Variants in NCOA2 observed in about 807,000 individuals in gnomAD.
The protein encoded by NCOA2 is class E basic helix-loop-helix protein 75.
Under a neutral mutation model 145.1 loss-of-function variants are expected in NCOA2, and 21 were observed. That is an observed-to-expected ratio of 0.14 (90% CI 0.10 to 0.21). NCOA2 has a LOEUF of 0.21. Among genes scored for constraint, NCOA2 ranks in the 10% least tolerant of loss-of-function variants. The probability of loss-of-function intolerance (pLI) is 1.00; values close to 1 mark genes in which losing one functional copy is unlikely to be tolerated. For missense variants in NCOA2, 1,472 were observed against 1,837.6 expected, an observed-to-expected ratio of 0.80 and a Z score of 3.64; for synonymous variants, 619 against 637.5, an observed-to-expected ratio of 0.97 and a Z score of 0.44.
chr8:70,269,894 C>T (rs1824907233), intron 2 of NCOA2, among the ~76,000 whole-genome samples: 1 of 152,100 alleles, frequency 6.6e-6, no homozygotes, highest in Admixed American at 6.5e-5. Flanking sequence ...TTTACTGAAA[C>T]CTAATTATGA....
In NCOA2 at chr8:70,179,195, A is replaced by G. The variant is rs148260745; in HGVS notation, c.260-4336T>C. Among the ~76,000 whole-genome samples, 930 of 152,322 alleles carry G rather than the reference A, an allele frequency of 6.1e-3. 5 individuals are homozygous for G. The highest frequency in any genetic ancestry group is 9.1e-3 in the Non-Finnish European group (616 of 68,026). On this transcript the variant is annotated intron_variant, in intron 4 of 22. Transcript: ENST00000452400. Reference sequence around the variant, plus strand: ...GTATTTTCTAGCTAATTTGTCATCTATTCTTTAATTCTGTATTGAATTTGT... The same window carrying G: ...GTATTTTCTAGCTAATTTGTCATCTGTTCTTTAATTCTGTATTGAATTTGT...
chr8:70,353,860 A>C (rs917372336), intron 1 of NCOA2, among the ~76,000 whole-genome samples: 3 of 152,162 alleles, frequency 2.0e-5, no homozygotes, highest in Admixed American at 6.5e-5. Context: ...TAAGACCTTT[A>C]GATATGTCTT....
intron 1 of NCOA2, among the ~76,000 whole-genome samples, chr8:70,303,595 G>A (rs550061994): frequency 6.6e-6 from 1 of 152,286 alleles, no homozygotes; most frequent in East Asian, 1.9e-4. Context: ...AATGATTGCT[G>A]TCATTATCTT....
At chr8:70,372,769 T>C (rs1036329163) in intron 1 of NCOA2, among the ~76,000 whole-genome samples, 2 of 152,184 alleles carry the variant, frequency 1.3e-5, no homozygotes, top group South Asian at 2.1e-4. Context: ...CATCACCCTT[T>C]ACAGTTAATT....
chr8:70,370,563 C>A (rs1437341388), intron 1 of NCOA2, among the ~76,000 whole-genome samples: 1 of 152,066 alleles, frequency 6.6e-6, no homozygotes, highest in Non-Finnish European at 1.5e-5. Context: ...TCAGCCATGA[C>A]TGCTTCACCT....
chr8:70,123,833 A>G (rs1388440706), intron 21 of NCOA2, 51 bp downstream of exon 21: 8 of 1,463,858 alleles, frequency 5.5e-6, no homozygotes, highest in East Asian at 2.4e-5. Flanking sequence ...GCAGAAGTAG[A>G]AAAAAAGCCG....
At chr8:70,372,023 TG>T (rs1811272013) in intron 1 of NCOA2, among the ~76,000 whole-genome samples, 1 of 152,096 alleles carries the variant, frequency 6.6e-6, no homozygotes, top group South Asian at 2.1e-4. Flanking sequence ...AGGGAAAAAA[TG>T]TTATTAGGCT....
In NCOA2 at chr8:70,141,539, G is replaced by A. The variant is rs1810433510; in HGVS notation, c.2813-140C>T. 3 of 790,844 alleles carry A rather than the reference G, an allele frequency of 3.8e-6. No homozygotes were observed. The Admixed American group carries it at 6.6e-5, about 18-fold the overall frequency. 49.0% of individuals were successfully genotyped at this position (790,844 alleles called of 1,614,324 possible). On this transcript the variant is annotated intron_variant, in intron 13 of 22. Transcript: ENST00000452400. ...CAATAGCTAATGTTCTCATTGGGCA[G>A]ATGTGGGACCTTGGCTAAGAAATAA...
chr8:70,396,608 A>G (rs903981693), intron 1 of NCOA2, among the ~76,000 whole-genome samples: 1 of 152,242 alleles, frequency 6.6e-6, no homozygotes, highest in Non-Finnish European at 1.5e-5. Flanking sequence ...CCTGAAAATT[A>G]AAAGAAAAAA....
At chr8:70,291,425 T>C (rs1301331225) in intron 2 of NCOA2, among the ~76,000 whole-genome samples, 1 of 152,170 alleles carries the variant, frequency 6.6e-6, no homozygotes, top group Non-Finnish European at 1.5e-5. Flanking sequence ...ATTTTCAATT[T>C]AAAAAAAGTT....
intron 1 of NCOA2, among the ~76,000 whole-genome samples, chr8:70,389,068 G>T (rs1285060384): frequency 6.6e-6 from 1 of 152,068 alleles, no homozygotes. Flanking sequence ...TTTTCTGGGG[G>T]TTTTATATAG....
chr8:70,435,923 T>C, the NCOA2 span, among the ~76,000 whole-genome samples: 1 of 152,172 alleles, frequency 6.6e-6, no homozygotes, highest in East Asian at 1.9e-4. Context: ...TTCAGCCTCC[T>C]GAGTAGCTAG....
At chr8:70,402,092 T>A (rs1469573300) in intron 1 of NCOA2, 1 of 152,052 alleles carries the variant, frequency 6.6e-6, no homozygotes, top group East Asian at 1.9e-4. Flanking sequence ...CCGCCCCGCA[T>A]GCAACTCTGC....
At chr8:70,274,123 A>G (rs1825286207) in intron 2 of NCOA2, among the ~76,000 whole-genome samples, 1 of 151,078 alleles carries the variant, frequency 6.6e-6, no homozygotes. Context: ...ATACAGTTTT[A>G]TTCTTTATTT....
chr8:70,255,753 T>C (rs1823584120), intron 2 of NCOA2, among the ~76,000 whole-genome samples: 2 of 152,074 alleles, frequency 1.3e-5, no homozygotes, highest in South Asian at 2.1e-4. Flanking sequence ...CTATAATCAA[T>C]AGGAACTGGC....
At chr8:70,217,409 C>T (rs1334062979) in intron 2 of NCOA2, among the ~76,000 whole-genome samples, 2 of 152,104 alleles carry the variant, frequency 1.3e-5, no homozygotes, top group South Asian at 2.1e-4. Context: ...TCCATCGGTG[C>T]CCTCTCTCTG....
chr8:70,298,917 C>T (rs922112684), intron 1 of NCOA2, among the ~76,000 whole-genome samples: 4 of 151,974 alleles, frequency 2.6e-5, no homozygotes, highest in African/African-American at 7.2e-5. Context: ...AAAAATTAGC[C>T]GGCCGTGGTG....
At chr8:70,150,140 A>G (rs1811577570) in intron 11 of NCOA2, among the ~76,000 whole-genome samples, 1 of 152,208 alleles carries the variant, frequency 6.6e-6, no homozygotes, top group Non-Finnish European at 1.5e-5. Context: ...TGGGAGATCC[A>G]TTTTCCTAAC....
At position 70,156,723 on chromosome 8, in the gene NCOA2, A is replaced by G. The variant is rs1812334764; in HGVS notation, c.1642T>C (p.Leu548=). ...QALSEGHGVS[L]GSSLASPDLK... ...TCTGGTGAAGCCAACGATGACCCTAATGAGACCCCGTGCCCCTCGCTGAGG... is the reference window on the plus strand; with the variant it reads ...TCTGGTGAAGCCAACGATGACCCTAGTGAGACCCCGTGCCCCTCGCTGAGG... The change falls in exon 11 of 23, where the codon TTA becomes CTA. Residue 548 remains leucine, a synonymous_variant. Transcript: ENST00000452400. The G allele has an allele frequency of 6.2e-7, 1 of 1,613,862 alleles. No individual in the cohort carries two copies. Among genetic ancestry groups the G allele is most frequent in the Admixed American group, 1.7e-5 (1 of 60,006 alleles).
Sources: gnomAD v4.1 joint callset for allele counts (sites outside exome capture counted in the v4.1 genomes callset) on GRCh38, gnomAD v4.1.1 for gene constraint, MANE v1.5 for transcripts, NCBI Gene and HGNC (gene_info 2026-07-23, HGNC 2026-07-21) for gene names.